The following UNC5C variants were observed in gnomAD, a reference collection of about 807,000 sequenced individuals.
The protein encoded by UNC5C is unc-5 netrin receptor C, also known as netrin receptor UNC5C.
A neutral mutation model predicts 99.8 loss-of-function variants in UNC5C; 47 were observed. The observed-to-expected ratio is 0.47, with a 90% CI of 0.37 to 0.60. The LOEUF is 0.60. Among genes scored for constraint, UNC5C ranks in the 20% least tolerant of loss-of-function variants. The pLI, the probability that UNC5C is intolerant of heterozygous loss-of-function variation, is 0.00. For synonymous variants in UNC5C, 487 were observed against 452.2 expected (o/e 1.08, Z -0.98); for missense variants, 1,062 against 1,165.9 (o/e 0.91, Z 1.30).
rs186575190 is a variant in UNC5C, at chr4:95,308,988, A to G, written c.347-7239T>C. Reference sequence around the variant, plus strand: ...CTGAATAGCTAATGCAATCTTGAGCAAAAAGAACAAAGCTGGAGGCATCAC... The same window carrying G: ...CTGAATAGCTAATGCAATCTTGAGCGAAAAGAACAAAGCTGGAGGCATCAC... On this transcript the variant is annotated intron_variant, in intron 2 of 15. Transcript: ENST00000453304. Among the ~76,000 whole-genome samples the G allele has an allele frequency of 1.7e-3, 259 of 152,262 alleles. 2 individuals are homozygous for G. Among genetic ancestry groups the G allele is most frequent in the African/African-American group, 5.9e-3 (246 of 41,572 alleles).
chr4:95,416,046 T>C (rs1020666987), intron 1 of UNC5C, among the ~76,000 whole-genome samples: 1 of 151,628 alleles, frequency 6.6e-6, no homozygotes, highest in Non-Finnish European at 1.5e-5. Context: ...ATTGAAAAAA[T>C]AAGCAAGGGA....
At chr4:95,465,590 T>C (rs1747747495) in intron 1 of UNC5C, among the ~76,000 whole-genome samples, 1 of 152,106 alleles carries the variant, frequency 6.6e-6, no homozygotes, top group Non-Finnish European at 1.5e-5. Context: ...GATTTGGTGG[T>C]TCTTTAAGGT....
At chr4:95,219,863 TAACTC>T (rs1738401964) in intron 8 of UNC5C, 117 bp downstream of exon 8, 1 of 1,049,112 alleles carries the variant, frequency 9.5e-7, no homozygotes. Flanking sequence ...TGAACAAAAT[TAACTC>T]AAATTGCTGT....
intron 1 of UNC5C, among the ~76,000 whole-genome samples, chr4:95,338,074 T>C (rs777907127): frequency 2.0e-5 from 3 of 152,030 alleles, no homozygotes; most frequent in African/African-American, 4.8e-5. Context: ...AGTAGATATG[T>C]ACAGTGGGAC....
At chr4:95,255,994 C>A (rs950333576) in intron 4 of UNC5C, among the ~76,000 whole-genome samples, 2 of 152,124 alleles carry the variant, frequency 1.3e-5, no homozygotes, top group African/African-American at 4.8e-5. Context: ...TAGTGCTCAT[C>A]TTACTTGACT....
At chr4:95,522,066 T>TA (rs1242253549) in intron 1 of UNC5C, among the ~76,000 whole-genome samples, 1 of 152,130 alleles carries the variant, frequency 6.6e-6, no homozygotes, top group Non-Finnish European at 1.5e-5. Context: ...TTGTATATAG[T>TA]AAATCGTATT....
intron 12 of UNC5C, among the ~76,000 whole-genome samples, chr4:95,195,527 G>T (rs1342796673): frequency 1.3e-5 from 2 of 152,154 alleles, no homozygotes; most frequent in African/African-American, 4.8e-5. Context: ...TTCCAGGGAA[G>T]ATCAGCCTTA....
chr4:95,548,710 G>A, intron 1 of UNC5C, 24 bp downstream of exon 1: 2 of 1,610,158 alleles, frequency 1.2e-6, no homozygotes, highest in Non-Finnish European at 1.7e-6. Context: ...GGAGGTGGCC[G>A]CGGAGCTTGG....
rs376634949 is a variant in UNC5C at position 95,371,870 on chromosome 4, C to A, written c.125-36239G>T. On this transcript the variant is annotated intron_variant, in intron 1 of 15. Transcript: ENST00000453304. ...TGACATTAAAATGCAATAACCCTTA[C>A]TAACTTTGGCAATTTATTTATAAAA... 1.6e-4 allele frequency among the ~76,000 whole-genome samples: 25 copies of A among 152,266 alleles called. No homozygotes were observed. The South Asian group carries it at 4.6e-3, about 28-fold the overall frequency.
chr4:95,452,186 A>G (rs265049), intron 1 of UNC5C, among the ~76,000 whole-genome samples: 52,955 of 151,992 alleles, frequency 0.35, 9,719 homozygotes, highest in African/African-American at 0.44. Context: ...GTACTCGTTA[A>G]CAAGAAATGA....
chr4:95,456,877 C>T (rs1747441587), intron 1 of UNC5C, among the ~76,000 whole-genome samples: 1 of 152,026 alleles, frequency 6.6e-6, no homozygotes, highest in Non-Finnish European at 1.5e-5. Flanking sequence ...CAAATTAGAA[C>T]ATTTTCTATG....
At chr4:95,271,372 C>T (rs1001556319) in intron 4 of UNC5C, among the ~76,000 whole-genome samples, 6 of 151,668 alleles carry the variant, frequency 4.0e-5, no homozygotes, top group Non-Finnish European at 7.4e-5. Flanking sequence ...GGACTACAGG[C>T]GCCCGCCACC....
intron 14 of UNC5C, among the ~76,000 whole-genome samples, chr4:95,179,746 C>CAAAAAAAAA (rs33974336): frequency 4.1e-5 from 4 of 98,508 alleles, no homozygotes; most frequent in Non-Finnish European, 5.5e-5. Flanking sequence ...GACTCCTTCT[C>CAAAAAAAAA]AAAAAAAAAA....
chr4:95,476,469 A>C (rs977210790), intron 1 of UNC5C, among the ~76,000 whole-genome samples: 2 of 152,112 alleles, frequency 1.3e-5, no homozygotes, highest in African/African-American at 2.4e-5. Flanking sequence ...GAAATATTGC[A>C]CAAATTACAT....
chr4:95,393,850 G>GTTTTT (rs10638203), intron 1 of UNC5C, among the ~76,000 whole-genome samples: 23,769 of 133,342 alleles, frequency 0.18, 2,221 homozygotes, highest in South Asian at 0.26. Context: ...ACAATCTACT[G>GTTTTT]TTTTTTTTTT....
In UNC5C at chr4:95,424,565, T is replaced by A. The variant is rs545710948; in HGVS notation, c.125-88934A>T. Among the ~76,000 whole-genome samples, 606 of 136,792 alleles carry A rather than the reference T, an allele frequency of 4.4e-3. 8 individuals carry two copies. The highest frequency in any genetic ancestry group is 0.014 in the African/African-American group (542 of 37,786). 89.7% of individuals were successfully genotyped at this position (136,792 alleles called of 152,430 possible). A position where few individuals can be genotyped will look rare whatever the true frequency, so the allele number is the denominator to read the frequency against. ...GAGACAGCTTCTTGCTCTGTGGCCC[T>A]GGCTGGAGTGCAGTGGCGCAATCTC... On this transcript the variant is annotated intron_variant, in intron 1 of 15. Transcript: ENST00000453304.
At chr4:95,176,986 G>C (rs529137843) in intron 14 of UNC5C, among the ~76,000 whole-genome samples, 10 of 152,276 alleles carry the variant, frequency 6.6e-5, no homozygotes, top group East Asian at 3.9e-4. Context: ...CAGTACTTGG[G>C]GGGGAGTGAC....
chr4:95,515,739 T>G (rs1560491073), intron 1 of UNC5C, among the ~76,000 whole-genome samples: 1 of 152,280 alleles, frequency 6.6e-6, no homozygotes, highest in African/African-American at 2.4e-5. Context: ...TTATTTGCAA[T>G]AATGCATCCT....
intron 14 of UNC5C, among the ~76,000 whole-genome samples, chr4:95,180,479 C>T (rs1189183859): frequency 5.3e-5 from 8 of 152,124 alleles, no homozygotes; most frequent in Non-Finnish European, 7.3e-5. Context: ...TCATTTGTGT[C>T]AATACAGTTA....
Sources: allele counts gnomAD v4.1 joint callset (sites outside exome capture counted in the v4.1 genomes callset), GRCh38; gene constraint gnomAD v4.1.1; transcripts MANE v1.5; gene names NCBI Gene and HGNC (gene_info 2026-07-23, HGNC 2026-07-21).